EDIL3: variants seen among roughly 807,000 people sequenced by gnomAD.
EDIL3 encodes the protein EGF like and discoidin domains 3.
Under a neutral mutation model 67.4 loss-of-function variants are expected in EDIL3, and 37 were observed. The observed-to-expected ratio is 0.55, with a 90% CI of 0.42 to 0.72. The LOEUF is 0.72. Ranked by LOEUF, EDIL3 falls within the 30% of genes least tolerant of loss-of-function variation. The probability of loss-of-function intolerance (pLI) is 0.00; values close to 1 mark genes in which losing one functional copy is unlikely to be tolerated. For missense variants in EDIL3, 527 were observed against 586.3 expected, an observed-to-expected ratio of 0.90 and a Z score of 1.04; for synonymous variants, 195 against 196.3, an observed-to-expected ratio of 0.99 and a Z score of 0.05.
intron 5 of EDIL3, among the ~76,000 whole-genome samples, chr5:84,117,020 ATT>A (rs34997139): frequency 4.9e-4 from 41 of 83,232 alleles, no homozygotes; most frequent in Non-Finnish European, 6.3e-4. Context: ...TTAAGTACTT[ATT>A]TTTTTTTTTT....
chr5:84,027,848 C>T (rs1209952026), intron 9 of EDIL3, among the ~76,000 whole-genome samples: 1 of 152,032 alleles, frequency 6.6e-6, no homozygotes, highest in Non-Finnish European at 1.5e-5. Flanking sequence ...ATCCTGAAGA[C>T]ACTTTGTAAT....
chr5:84,275,444 G>C (rs565960486), intron 1 of EDIL3, among the ~76,000 whole-genome samples: 1 of 152,244 alleles, frequency 6.6e-6, no homozygotes, highest in Admixed American at 6.5e-5. Context: ...TGTTCTTTTA[G>C]CAGCACAAGA....
chr5:84,154,696 T>TA (rs1748459965), intron 4 of EDIL3, among the ~76,000 whole-genome samples: 1 of 144,954 alleles, frequency 6.9e-6, no homozygotes, highest in African/African-American at 2.5e-5. Context: ...GCTTCTGCTT[T>TA]TTTTTTTTTT....
At chr5:83,960,230 A>G (rs62364166) in intron 10 of EDIL3, among the ~76,000 whole-genome samples, 8,519 of 151,184 alleles carry the variant, frequency 0.056, 287 homozygotes, top group Middle Eastern at 0.14. Context: ...TCATACATTT[A>G]TAACATAAAA....
Position 83,981,314 on chromosome 5 carries a change from A to G in EDIL3, c.1138-17954T>C, listed in dbSNP as rs560160707. ...TAAATATATGTGTATGTACATATGT[A>G]TGTACATGTGTATACATACTTGGAA... On this transcript the variant is annotated intron_variant, in intron 9 of 10. Transcript: ENST00000296591. Among the ~76,000 whole-genome samples the G allele has an allele frequency of 2.0e-5, 3 of 152,252 alleles. No individual in the cohort carries two copies. In the East Asian group the frequency reaches 5.8e-4, roughly 29 times the overall value.
intron 9 of EDIL3, among the ~76,000 whole-genome samples, chr5:83,982,334 T>G (rs937020629): frequency 1.3e-5 from 2 of 152,066 alleles, no homozygotes; most frequent in Non-Finnish European, 2.9e-5. Context: ...AACTTAAAAT[T>G]AATAGATCTA....
intron 9 of EDIL3, among the ~76,000 whole-genome samples, chr5:84,044,393 T>C (rs2112217354): frequency 6.6e-6 from 1 of 152,310 alleles, no homozygotes; most frequent in East Asian, 1.9e-4. Flanking sequence ...AACCATTTTT[T>C]TTTTGGAATT....
intron 1 of EDIL3, among the ~76,000 whole-genome samples, chr5:84,268,093 C>T (rs895984634): frequency 5.9e-5 from 9 of 152,038 alleles, no homozygotes; most frequent in African/African-American, 1.4e-4. Flanking sequence ...GCCAAGATCG[C>T]GCCACTGCAC....
intron 6 of EDIL3, chr5:84,078,853 T>C (rs909047828): frequency 2.0e-5 from 3 of 152,174 alleles, no homozygotes; most frequent in African/African-American, 7.2e-5. Flanking sequence ...ATTTTTTGGG[T>C]GATAGAAACC....
chr5:84,263,289 T>G (rs148344296), intron 1 of EDIL3, among the ~76,000 whole-genome samples: 2 of 152,316 alleles, frequency 1.3e-5, no homozygotes, highest in East Asian at 3.9e-4. Flanking sequence ...TGCACAGTTC[T>G]GAGGGCTCAG....
At chr5:84,357,956 C>A (rs73144562) in intron 1 of EDIL3, among the ~76,000 whole-genome samples, 9 of 150,026 alleles carry the variant, frequency 6.0e-5, no homozygotes, top group African/African-American at 2.2e-4. Flanking sequence ...AATACTCCAA[C>A]CATTTCTTTC....
At chr5:84,219,245 A>G (rs925828965) in intron 3 of EDIL3, among the ~76,000 whole-genome samples, 1 of 152,242 alleles carries the variant, frequency 6.6e-6, no homozygotes, top group African/African-American at 2.4e-5. Context: ...ATACAAGTCA[A>G]TAATGAGGGG....
At chr5:84,279,291 A>C (rs1306536133) in intron 1 of EDIL3, among the ~76,000 whole-genome samples, 1 of 152,190 alleles carries the variant, frequency 6.6e-6, no homozygotes, top group African/African-American at 2.4e-5. Flanking sequence ...CCAATCAATA[A>C]AAATAAATCC....
chr5:83,996,782 T>TAA (rs1266344085), intron 9 of EDIL3, among the ~76,000 whole-genome samples: 2 of 152,186 alleles, frequency 1.3e-5, no homozygotes, highest in Non-Finnish European at 2.9e-5. Flanking sequence ...ATATGTGACA[T>TAA]AAATTCTAGA....
At chr5:84,157,434 A>G (rs891006951) in intron 4 of EDIL3, among the ~76,000 whole-genome samples, 1 of 152,112 alleles carries the variant, frequency 6.6e-6, no homozygotes, top group Non-Finnish European at 1.5e-5. Flanking sequence ...AAGAATCAAT[A>G]TAAAGAGGTT....
At chr5:84,192,290 G>A (rs1743607282) in intron 3 of EDIL3, among the ~76,000 whole-genome samples, 1 of 151,812 alleles carries the variant, frequency 6.6e-6, no homozygotes, top group African/African-American at 2.4e-5. Flanking sequence ...AAAAGCTTCT[G>A]TTAGCTCCTA....
intron 3 of EDIL3, among the ~76,000 whole-genome samples, chr5:84,217,910 T>C (rs1744265796): frequency 6.6e-6 from 1 of 152,176 alleles, no homozygotes; most frequent in Non-Finnish European, 1.5e-5. Context: ...GCTTTTCCAG[T>C]GCTTGGTGTT....
chr5:83,987,948 C>G (rs560317844), intron 9 of EDIL3, among the ~76,000 whole-genome samples: 6 of 150,370 alleles, frequency 4.0e-5, no homozygotes, highest in African/African-American at 1.5e-4. Flanking sequence ...CAATCAATGT[C>G]TACTAGAAAG....
intron 1 of EDIL3, among the ~76,000 whole-genome samples, chr5:84,331,381 C>A (rs936747997): frequency 6.6e-6 from 1 of 152,272 alleles, no homozygotes; most frequent in Admixed American, 6.5e-5. Flanking sequence ...CCATAATCCC[C>A]ATATGTTGTG....
Sources: gnomAD v4.1 joint callset for allele counts (sites outside exome capture counted in the v4.1 genomes callset) on GRCh38, gnomAD v4.1.1 for gene constraint, MANE v1.5 for transcripts, NCBI Gene and HGNC (gene_info 2026-07-23, HGNC 2026-07-21) for gene names.